The following C19orf12 variants were observed in gnomAD, a reference collection of about 807,000 sequenced individuals.
C19orf12 encodes chromosome 19 open reading frame 12, also known as protein C19orf12.
C19orf12 carries 2 observed loss-of-function variants against 3.8 expected under a neutral mutation model. The ratio of observed to expected loss-of-function variants is 0.53; its 90% CI spans 0.22 to 1.66. The LOEUF (loss-of-function observed/expected upper bound fraction) is 1.66. Ranked by LOEUF, C19orf12 falls within the 40% of genes most tolerant of loss-of-function variation. The pLI is 0.20. For missense variants in C19orf12, 156 were observed against 188.8 expected, an observed-to-expected ratio of 0.83 and a Z score of 1.02; for synonymous variants, 89 against 84.6, an observed-to-expected ratio of 1.05 and a Z score of -0.28.
At chr19:29,713,942 CT>C (rs1460302000) in intron 1 of C19orf12, among the ~76,000 whole-genome samples, 2 of 143,264 alleles carry the variant, frequency 1.4e-5, no homozygotes, top group East Asian at 2.0e-4. Context: ...ATCCCTCTTT[CT>C]TTTTTTCTTT....
chr19:29,701,894 G>A lies in C19orf12; in HGVS notation c.*818C>T. The A allele has an allele frequency of 2.2e-6, 1 of 454,160 alleles. No homozygotes were observed. The highest frequency in any genetic ancestry group is 2.0e-5 in the African/African-American group (1 of 50,148). 28.1% of individuals were successfully genotyped at this position (454,160 alleles called of 1,614,324 possible). ...TGCAATATGCAGTAAACATGACTTA[G>A]ATGCACTGGGAAACTAAAACAATGC... On this transcript the variant is annotated 3_prime_UTR_variant, in exon 3 of 3. Transcript: ENST00000323670.
chr19:29,702,099 G>T lies in C19orf12; in HGVS notation c.*613C>A. The T allele has an allele frequency of 2.2e-6, 1 of 449,620 alleles. No homozygotes were observed. The highest frequency in any genetic ancestry group is 1.6e-5 in the South Asian group (1 of 64,098). The allele number at this position is 449,620 out of a possible 1,614,324, so 27.9% of individuals were successfully genotyped here. ...GCCCTGGCAGGGCGAGTCTAGGTGT[G>T]CAGCCTAGTGGGGGCCGGGGTCAAG... On this transcript the variant is annotated 3_prime_UTR_variant, in exon 3 of 3. Transcript: ENST00000323670.
chr19:29,711,567 G>GGAGA (rs1320004353), intron 1 of C19orf12, among the ~76,000 whole-genome samples: 1 of 152,174 alleles, frequency 6.6e-6, no homozygotes, highest in Non-Finnish European at 1.5e-5. Context: ...CCTTTCCCCG[G>GGAGA]GCGTGAAGAC....
In C19orf12 at chr19:29,700,348, A is replaced by G. The variant is rs768443848; in HGVS notation, c.*2364T>C. On this transcript the variant is annotated 3_prime_UTR_variant, in exon 3 of 3. Coordinates refer to ENST00000323670, the MANE Select transcript of C19orf12 (RefSeq NM_031448.6). ...AAAAAGTGTCCCCCAACTTTGAAGC[A>G]CTGAACCAAACATCTTTGTTGAGGT... The G allele has an allele frequency of 6.6e-6, 3 of 454,140 alleles. 1 individual carries two copies. Among genetic ancestry groups the G allele is most frequent in the South Asian group, 4.7e-5 (3 of 64,482 alleles). The allele number at this position is 454,140 out of a possible 1,614,324, so 28.1% of individuals were successfully genotyped here. A position where few individuals can be genotyped will look rare whatever the true frequency, so the allele number is the denominator to read the frequency against.
intron 1 of C19orf12, among the ~76,000 whole-genome samples, chr19:29,712,364 C>T (rs767278655): frequency 1.6e-4 from 25 of 152,098 alleles, no homozygotes; most frequent in Non-Finnish European, 3.2e-4. Flanking sequence ...TGAGATCACA[C>T]CACTGCACTC....
chr19:29,700,663 A>G lies in C19orf12; in HGVS notation c.*2049T>C. 1 of 454,072 alleles carries G rather than the reference A, an allele frequency of 2.2e-6. No individual in the cohort carries two copies. Among genetic ancestry groups the G allele is most frequent in the Non-Finnish European group, 4.4e-6 (1 of 226,784 alleles). 28.1% of individuals were successfully genotyped at this position (454,072 alleles called of 1,614,324 possible). A position where few individuals can be genotyped will look rare whatever the true frequency, so the allele number is the denominator to read the frequency against. ...TGATTAAAGTGGCTTCATTAACTCC[A>G]GGAGTGTGGCCTGTGCTAGGGCACC... On this transcript the variant is annotated 3_prime_UTR_variant, in exon 3 of 3. Transcript: ENST00000323670.
In C19orf12 at chr19:29,702,575, C is replaced by A. The variant is rs746454120; in HGVS notation, c.*137G>T. The A allele has an allele frequency of 2.5e-6, 3 of 1,199,336 alleles. No individual in the cohort carries two copies. The highest frequency in any genetic ancestry group is 1.2e-5 in the South Asian group (1 of 80,858). 74.3% of individuals were successfully genotyped at this position (1,199,336 alleles called of 1,614,324 possible). ...CACTGCACAGCGGTGGCCTCTCCAG[C>A]GGGACATTACTAGTAATACACTGAT... On this transcript the variant is annotated 3_prime_UTR_variant, in exon 3 of 3. Transcript: ENST00000323670.
rs139713991 is a variant in C19orf12, at chr19:29,699,309, TA to T, written c.*3402del. 850 of 334,830 alleles carry T rather than the reference TA, an allele frequency of 2.5e-3. No homozygotes were observed. Among genetic ancestry groups the T allele is most frequent in the Middle Eastern group, 4.2e-3 (4 of 942 alleles). 20.7% of individuals were successfully genotyped at this position (334,830 alleles called of 1,614,324 possible). A position where few individuals can be genotyped will look rare whatever the true frequency, so the allele number is the denominator to read the frequency against. ...GGTGAAACCCCGTCTCTACTAAAAA[TA>T]AAAAAAAAATAAAAAAATAAAAATT... is the stretch of plus-strand genomic sequence containing the variant. On this transcript the variant is annotated 3_prime_UTR_variant, in exon 3 of 3. Transcript: ENST00000323670.
chr19:29,702,115 C>T lies in C19orf12; in HGVS notation c.*597G>A, dbSNP rs553695492. ...TCTAGGTGTGCAGCCTAGTGGGGGC[C>T]GGGGTCAAGTCCACTCGGTATTTGT... is the stretch of plus-strand genomic sequence containing the variant. On this transcript the variant is annotated 3_prime_UTR_variant, in exon 3 of 3. Transcript: ENST00000323670. 175 of 450,180 alleles carry T rather than the reference C, an allele frequency of 3.9e-4. 1 individual carries two copies. The highest frequency in any genetic ancestry group is 3.1e-3 in the African/African-American group (154 of 50,068). 27.9% of individuals were successfully genotyped at this position (450,180 alleles called of 1,614,324 possible).
chr19:29,703,482 G>A (rs137952348), intron 2 of C19orf12, among the ~76,000 whole-genome samples: 8,623 of 149,160 alleles, frequency 0.058, 373 homozygotes, highest in South Asian at 0.19. Context: ...CCAGGTTCAA[G>A]CGATTCTCCC....
In C19orf12 at chr19:29,701,698, T is replaced by A; in HGVS notation, c.*1014A>T. The A allele has an allele frequency of 2.2e-6, 1 of 452,726 alleles. No homozygotes were observed. Among genetic ancestry groups the A allele is most frequent in the Non-Finnish European group, 4.4e-6 (1 of 226,208 alleles). The allele number at this position is 452,726 out of a possible 1,614,324, so 28.0% of individuals were successfully genotyped here. A position where few individuals can be genotyped will look rare whatever the true frequency, so the allele number is the denominator to read the frequency against. On this transcript the variant is annotated 3_prime_UTR_variant, in exon 3 of 3. Transcript: ENST00000323670. ...TATGCTTTGTGAATACTGTGTTTTT[T>A]TTTTAAATTGAAGGTTTGTAGCAGC...
intron 1 of C19orf12, 169 bp from the exon 2 acceptor site, chr19:29,708,592 A>G (rs1379448750): frequency 7.7e-6 from 6 of 777,422 alleles, no homozygotes; most frequent in Non-Finnish European, 1.3e-5. Context: ...AAGTTCCCAC[A>G]GACAGGACAG....
At chr19:29,713,974 C>T (rs55659722) in intron 1 of C19orf12, among the ~76,000 whole-genome samples, 13,374 of 146,138 alleles carry the variant, frequency 0.092, 738 homozygotes, top group African/African-American at 0.18. Context: ...TTCCTTCCTT[C>T]CTTTTCTCTT....
At position 29,701,815 on chromosome 19, in the gene C19orf12, T is replaced by C. The variant is rs1347537439; in HGVS notation, c.*897A>G. 6.6e-6 allele frequency: 3 copies of C among 452,500 alleles called. No homozygotes were observed. The highest frequency in any genetic ancestry group is 2.0e-5 in the African/African-American group (1 of 49,958). The allele number at this position is 452,500 out of a possible 1,614,324, so 28.0% of individuals were successfully genotyped here. ...CAGCATTTTGAACAGTAAATATTTT[T>C]AAATTAAGGTTTGTACATTTGTTAG... On this transcript the variant is annotated 3_prime_UTR_variant, in exon 3 of 3. Transcript: ENST00000323670.
Position 29,715,234 on chromosome 19 carries a change from C to A in C19orf12, c.-120G>T, listed in dbSNP as rs981036773. On this transcript the variant is annotated 5_prime_UTR_variant, in exon 1 of 3. Coordinates refer to ENST00000323670, the MANE Select transcript of C19orf12 (RefSeq NM_031448.6). ...AGCTCCCCAGCCCCGCGGAGGGTCG[C>A]GCAGGCCTTGGTGGCGGCCCCGGCG... The A allele has an allele frequency of 2.3e-6, 1 of 426,996 alleles. No individual in the cohort carries two copies. Among genetic ancestry groups the A allele is most frequent in the East Asian group, 6.7e-5 (1 of 14,924 alleles). The allele number at this position is 426,996 out of a possible 1,614,324, so 26.5% of individuals were successfully genotyped here.
Position 29,699,203 on chromosome 19 carries a change from C to T in C19orf12, c.*3509G>A, listed in dbSNP as rs988060167. The T allele has an allele frequency of 2.2e-6, 1 of 453,794 alleles. No homozygotes were observed. The highest frequency in any genetic ancestry group is 4.4e-6 in the Non-Finnish European group (1 of 226,728). 28.1% of individuals were successfully genotyped at this position (453,794 alleles called of 1,614,324 possible). A position where few individuals can be genotyped will look rare whatever the true frequency, so the allele number is the denominator to read the frequency against. ...CATACATAGGCCGGGCGCAGTGGCT[C>T]ACGCCTGTAATCCCAGCACTTTGGG... On this transcript the variant is annotated 3_prime_UTR_variant, in exon 3 of 3. Coordinates refer to ENST00000323670, the MANE Select transcript of C19orf12 (RefSeq NM_031448.6).
chr19:29,714,358 G>C (rs1972846539), intron 1 of C19orf12, among the ~76,000 whole-genome samples: 2 of 152,082 alleles, frequency 1.3e-5, no homozygotes, highest in African/African-American at 4.8e-5. Context: ...AGCCAGGCTT[G>C]GTGGTGTCGC....
chr19:29,712,588 C>G (rs1293663587), intron 1 of C19orf12, among the ~76,000 whole-genome samples: 1 of 152,112 alleles, frequency 6.6e-6, no homozygotes, highest in Non-Finnish European at 1.5e-5. Flanking sequence ...AAGAAGCCCA[C>G]ATGTGCACTA....
intron 2 of C19orf12, among the ~76,000 whole-genome samples, chr19:29,706,215 T>A (rs957734691): frequency 1.3e-5 from 2 of 152,256 alleles, no homozygotes; most frequent in African/African-American, 2.4e-5. Context: ...TTTACTGAAC[T>A]TTTCCCCATG....
Sources: gnomAD v4.1 joint callset for allele counts (sites outside exome capture counted in the v4.1 genomes callset) on GRCh38, gnomAD v4.1.1 for gene constraint, MANE v1.5 for transcripts, NCBI Gene and HGNC (gene_info 2026-07-23, HGNC 2026-07-21) for gene names.